The following RP1L1 variants were observed in gnomAD, a reference collection of about 807,000 sequenced individuals.
The protein encoded by RP1L1 is retinitis pigmentosa 1-like 1 protein.
RP1L1 carries 27 observed loss-of-function variants against 15.7 expected under a neutral mutation model. That is an observed-to-expected ratio of 1.72 (90% CI 1.27 to 2.38). The LOEUF is 2.38. Ranked by LOEUF, RP1L1 falls within the 30% of genes most tolerant of loss-of-function variation. The pLI, the probability that RP1L1 is intolerant of heterozygous loss-of-function variation, is 0.00. For synonymous variants in RP1L1, 1,813 were observed against 1,276.7 expected, an observed-to-expected ratio of 1.42 and a Z score of -8.96; for missense variants, 4,798 against 3,075.9, an observed-to-expected ratio of 1.56 and a Z score of -13.24.
At chr8:10,646,239 A>C (rs1329425727) in intron 1 of RP1L1, among the ~76,000 whole-genome samples, 1 of 152,124 alleles carries the variant, frequency 6.6e-6, no homozygotes, top group African/African-American at 2.4e-5. Flanking sequence ...CCTGAAGAAG[A>C]CGCTATTCTA....
chr8:10,612,557 C>T lies in RP1L1; in HGVS notation c.1541G>A (p.Gly514Asp). 1 of 1,608,696 alleles carries T rather than the reference C, an allele frequency of 6.2e-7. No homozygotes were observed. Among genetic ancestry groups the T allele is most frequent in the Non-Finnish European group, 8.5e-7 (1 of 1,179,560 alleles). ...TGTCAGGCGGCCGCCTTGCTCTGGG[C>T]CGCCCAGCCCTGCTCCATCTATGCA... ...GLCIDGAGLG[G>D]PEQGGRLTPR... The change falls in exon 4 of 4, where the codon GGC becomes GAC. Residue 514 changes from glycine to aspartate, a missense_variant. By Grantham distance (94) the Gly-to-Asp change is moderately conservative. Transcript: ENST00000382483.
chr8:10,626,577 C>T (rs1458070511), intron 1 of RP1L1, among the ~76,000 whole-genome samples: 4 of 152,154 alleles, frequency 2.6e-5, no homozygotes, highest in Non-Finnish European at 5.9e-5. Flanking sequence ...GTGGCTCGCA[C>T]TTGCCACAGG....
At chr8:10,646,468 A>G (rs547170634) in intron 1 of RP1L1, among the ~76,000 whole-genome samples, 5 of 152,226 alleles carry the variant, frequency 3.3e-5, no homozygotes, top group Admixed American at 6.5e-5. Flanking sequence ...TTTGCCCGTT[A>G]TTGGAGCCCA....
intron 1 of RP1L1, among the ~76,000 whole-genome samples, chr8:10,650,002 A>T (rs1490886983): frequency 6.6e-6 from 1 of 152,180 alleles, no homozygotes; most frequent in Non-Finnish European, 1.5e-5. Flanking sequence ...TCAATTATGC[A>T]GTTCCATTTC....
intron 1 of RP1L1, among the ~76,000 whole-genome samples, chr8:10,646,623 G>A (rs940885993): frequency 6.6e-6 from 1 of 152,062 alleles, no homozygotes; most frequent in African/African-American, 2.4e-5. Flanking sequence ...AAGTGGTGTG[G>A]ACGGAGGGGA....
intron 1 of RP1L1, among the ~76,000 whole-genome samples, chr8:10,642,910 G>T (rs1798427456): frequency 6.6e-6 from 1 of 152,218 alleles, no homozygotes; most frequent in African/African-American, 2.4e-5. Context: ...TACCAGCTAA[G>T]ATCATAAGAT....
chr8:10,613,426 A>C, intron 3 of RP1L1, 80 bp from the exon 4 acceptor site: 1 of 1,573,336 alleles, frequency 6.4e-7, no homozygotes, highest in Admixed American at 1.8e-5. Flanking sequence ...GGAATAAAAC[A>C]GTCACGAGCC....
chr8:10,625,210 G>A (rs1233905781), intron 1 of RP1L1, among the ~76,000 whole-genome samples: 2 of 152,136 alleles, frequency 1.3e-5, no homozygotes, highest in Non-Finnish European at 2.9e-5. Flanking sequence ...AACAAAACAT[G>A]CTGGGTGGGC....
intron 1 of RP1L1, among the ~76,000 whole-genome samples, chr8:10,639,324 A>G (rs1244789230): frequency 1.3e-5 from 2 of 152,216 alleles, no homozygotes; most frequent in African/African-American, 2.4e-5. Context: ...GCGTGGCTCT[A>G]TCCTCCGTGT....
At position 10,610,814 on chromosome 8, in the gene RP1L1, C is replaced by G; in HGVS notation, c.3284G>C (p.Gly1095Ala). ...IMRALMGSKQ[G>A]RPSSVPEVSR... ...CACTTCGGGCACGCTGCTGGGCCGG[C>G]CCTGCTTGGAGCCCATCAGCGCCCT... The change falls in exon 4 of 4, where the codon GGC becomes GCC. Residue 1095 changes from glycine to alanine, a missense_variant. Transcript: ENST00000382483. The G allele has an allele frequency of 6.2e-7, 1 of 1,608,726 alleles. No individual in the cohort carries two copies. The highest frequency in any genetic ancestry group is 1.7e-4 in the Middle Eastern group (1 of 6,054).
At chr8:10,623,325 C>T (rs1798104316) in intron 1 of RP1L1, 105 bp from the exon 2 acceptor site, 2 of 815,386 alleles carry the variant, frequency 2.5e-6, no homozygotes, top group South Asian at 3.7e-5. Context: ...CCCAAATGTG[C>T]TCCACTCCAC....
chr8:10,634,586 T>C (rs982895419), intron 1 of RP1L1, among the ~76,000 whole-genome samples: 1 of 152,202 alleles, frequency 6.6e-6, no homozygotes, highest in Non-Finnish European at 1.5e-5. Context: ...CCTGGCATTG[T>C]TGAGGCACTG....
Position 10,608,951 on chromosome 8 carries a change from T to A in RP1L1, c.5147A>T (p.Asp1716Val). The A allele has an allele frequency of 6.2e-7, 1 of 1,613,596 alleles. No homozygotes were observed. Among genetic ancestry groups the A allele is most frequent in the Non-Finnish European group, 8.5e-7 (1 of 1,179,746 alleles). Residue 1716 changes from aspartate to valine, a missense_variant, in exon 4 of 4, where the codon GAC becomes GTC. Asp to Val is a radical substitution (Grantham distance 152). Transcript: ENST00000382483. ...AEVAPGKTHT[D>V]PTSTRTVQGA... Reference sequence around the variant, plus strand: ...CTGGACAGTCCTAGTGCTCGTGGGGTCCGTGTGGGTCTTGCCAGGGGCCAC... The same window carrying A: ...CTGGACAGTCCTAGTGCTCGTGGGGACCGTGTGGGTCTTGCCAGGGGCCAC...
chr8:10,615,736 C>A (rs1172170003), intron 3 of RP1L1, among the ~76,000 whole-genome samples: 4 of 151,894 alleles, frequency 2.6e-5, no homozygotes, highest in Admixed American at 6.6e-5. Context: ...GAGGCAGGGT[C>A]TTGCTCTGTT....
At chr8:10,637,373 C>T (rs1039055454) in intron 1 of RP1L1, among the ~76,000 whole-genome samples, 11 of 152,310 alleles carry the variant, frequency 7.2e-5, no homozygotes, top group Non-Finnish European at 1.3e-4. Flanking sequence ...ATGAGGACCT[C>T]CTGTGTGTGA....
At chr8:10,621,324 G>A (rs1798055211) in intron 2 of RP1L1, 2 of 165,528 alleles carry the variant, frequency 1.2e-5, no homozygotes, top group African/African-American at 4.8e-5. Flanking sequence ...TTGTAATGAT[G>A]TTATCATATG....
chr8:10,628,536 G>T (rs1798192457), intron 1 of RP1L1, among the ~76,000 whole-genome samples: 1 of 152,068 alleles, frequency 6.6e-6, no homozygotes, highest in African/African-American at 2.4e-5. Context: ...TCCAATCCTT[G>T]GTGATGAGAA....
At chr8:10,635,263 G>T (rs746885847) in intron 1 of RP1L1, among the ~76,000 whole-genome samples, 1 of 151,960 alleles carries the variant, frequency 6.6e-6, no homozygotes, top group Non-Finnish European at 1.5e-5. Context: ...CAACTGACCC[G>T]TTAGCCTCAG....
At chr8:10,640,408 C>G (rs1332732627) in intron 1 of RP1L1, among the ~76,000 whole-genome samples, 1 of 151,914 alleles carries the variant, frequency 6.6e-6, no homozygotes, top group African/African-American at 2.4e-5. Context: ...TCCTGTAATC[C>G]CAGCCCTCTG....
Sources: allele counts gnomAD v4.1 joint callset (sites outside exome capture counted in the v4.1 genomes callset), GRCh38; gene constraint gnomAD v4.1.1; transcripts MANE v1.5; gene names NCBI Gene and HGNC (gene_info 2026-07-23, HGNC 2026-07-21).